RANBP2: variants seen among roughly 807,000 people sequenced by gnomAD.
RANBP2 encodes the protein RAN binding protein 2, also known as E3 SUMO-protein ligase RanBP2.
RANBP2 carries 57 observed loss-of-function variants against 303.6 expected under a neutral mutation model. That is an observed-to-expected ratio of 0.19 (90% CI 0.15 to 0.23). The LOEUF (loss-of-function observed/expected upper bound fraction) is 0.23. Ranked by LOEUF, RANBP2 falls within the 10% of genes least tolerant of loss-of-function variation. The probability of loss-of-function intolerance (pLI) is 1.00; values close to 1 mark genes in which losing one functional copy is unlikely to be tolerated. For missense variants in RANBP2, 3,138 were observed against 3,780.8 expected (o/e 0.83, Z 4.46); for synonymous variants, 1,167 against 1,301.5 (o/e 0.90, Z 2.23).
At chr2:109,384,492 G>T in the RANBP2 span, among the ~76,000 whole-genome samples, 1 of 152,010 alleles carries the variant, frequency 6.6e-6, no homozygotes. Flanking sequence ...GCAGGCAGGT[G>T]GGAGGAGAGG....
chr2:109,132,878 C>A, the RANBP2 span, among the ~76,000 whole-genome samples: 3 of 152,304 alleles, frequency 2.0e-5, no homozygotes, highest in East Asian at 5.8e-4. Flanking sequence ...TGTGGTTCCA[C>A]ATTGAGTAAT....
At chr2:109,388,752 C>A in the RANBP2 span, among the ~76,000 whole-genome samples, 79,178 of 151,986 alleles carry the variant, frequency 0.52, 21,076 homozygotes, top group South Asian at 0.61. Context: ...AATCCTCAGA[C>A]CTCCAAGGAT....
chr2:109,681,629 CA>C, the RANBP2 span, among the ~76,000 whole-genome samples: 54 of 152,340 alleles, frequency 3.5e-4, no homozygotes, highest in African/African-American at 1.2e-3. Flanking sequence ...AGTCCCACAG[CA>C]CCGAGGCTGG....
At chr2:109,151,731 A>AG in the RANBP2 span, among the ~76,000 whole-genome samples, 906 of 152,370 alleles carry the variant, frequency 5.9e-3, 11 homozygotes, top group African/African-American at 0.021. Flanking sequence ...GGAAAGGCTC[A>AG]GCTCTGACGG....
chr2:109,005,817 A>C, the RANBP2 span, among the ~76,000 whole-genome samples: 2 of 152,194 alleles, frequency 1.3e-5, no homozygotes, highest in Admixed American at 1.3e-4. Context: ...ATTTTCCTGG[A>C]AATCAGCTGT....
chr2:109,460,772 G>A, the RANBP2 span, among the ~76,000 whole-genome samples: 6 of 152,018 alleles, frequency 3.9e-5, no homozygotes, highest in Non-Finnish European at 4.4e-5. Context: ...CCAAATCATC[G>A]GCCACAGCCT....
the RANBP2 span, among the ~76,000 whole-genome samples, chr2:109,537,332 G>A: frequency 6.6e-6 from 1 of 152,086 alleles, no homozygotes; most frequent in Non-Finnish European, 1.5e-5. Flanking sequence ...CTTAATGTTT[G>A]TAGTATGAAT....
At chr2:109,700,915 G>A in the RANBP2 span, among the ~76,000 whole-genome samples, 1 of 152,166 alleles carries the variant, frequency 6.6e-6, no homozygotes, top group Non-Finnish European at 1.5e-5. Context: ...TGGGAGGAAA[G>A]CGGGGAGTTT....
At chr2:109,569,022 C>T in the RANBP2 span, among the ~76,000 whole-genome samples, 1 of 152,170 alleles carries the variant, frequency 6.6e-6, no homozygotes, top group Non-Finnish European at 1.5e-5. Context: ...GATAGCTCCA[C>T]AAATTTGTGA....
At chr2:108,816,818 C>T in the RANBP2 span, among the ~76,000 whole-genome samples, 1 of 152,180 alleles carries the variant, frequency 6.6e-6, no homozygotes, top group South Asian at 2.1e-4. Flanking sequence ...TGCCTCATCC[C>T]TTTGAGTAGG....
At chr2:109,098,863 G>T in the RANBP2 span, among the ~76,000 whole-genome samples, 1 of 152,210 alleles carries the variant, frequency 6.6e-6, no homozygotes, top group African/African-American at 2.4e-5. Context: ...TTATTTGGCT[G>T]CCCTCCAATC....
In RANBP2 at chr2:108,763,412, G is replaced by T. The variant is rs1676882455; in HGVS notation, c.2873G>T (p.Gly958Val). Residue 958 changes from glycine (G) to valine (V), a missense_variant, in exon 20 of 29, where the codon GGT becomes GTT. Gly to Val is a moderately radical substitution (Grantham distance 109). Around this residue, in one of 20 missense-constraint regions of RANBP2, gnomAD observed 403 missense variants for 376.7 expected, o/e 1.07. Transcript: ENST00000283195. ...GCAACGGGAATTCTATCGCCCAGGG[G>T]TGATGATTACTTTAATTACAATGTT... ...SPATGILSPR[G>V]DDYFNYNVQQ... 1 of 1,613,850 alleles carries T rather than the reference G, an allele frequency of 6.2e-7. No homozygotes were observed. Among genetic ancestry groups the T allele is most frequent in the South Asian group, 1.1e-5 (1 of 91,078 alleles).
the RANBP2 span, among the ~76,000 whole-genome samples, chr2:108,927,186 G>A: frequency 6.6e-6 from 1 of 152,202 alleles, no homozygotes; most frequent in Non-Finnish European, 1.5e-5. Flanking sequence ...CACGTGCTGA[G>A]GGTGTCTCTG....
the RANBP2 span, among the ~76,000 whole-genome samples, chr2:109,454,365 T>G: frequency 6.6e-6 from 1 of 152,224 alleles, no homozygotes; most frequent in African/African-American, 2.4e-5. Flanking sequence ...CTGAAGGGTC[T>G]GGGCCATTTT....
the RANBP2 span, among the ~76,000 whole-genome samples, chr2:109,449,831 C>A: frequency 6.6e-6 from 1 of 152,186 alleles, no homozygotes; most frequent in African/African-American, 2.4e-5. Context: ...TATTTATTGC[C>A]ATGTGCTGGG....
chr2:109,281,484 G>A, the RANBP2 span, among the ~76,000 whole-genome samples: 1 of 152,170 alleles, frequency 6.6e-6, no homozygotes, highest in Admixed American at 6.5e-5. Flanking sequence ...AGCTCTTCTG[G>A]TTCTGACTCT....
chr2:109,593,116 A>G, the RANBP2 span: 9 of 1,596,512 alleles, frequency 5.6e-6, no homozygotes, highest in Non-Finnish European at 7.7e-6. Flanking sequence ...TGAGACTGAA[A>G]GAGCTAAAAA....
chr2:109,724,996 A>G, the RANBP2 span, among the ~76,000 whole-genome samples: 2 of 152,204 alleles, frequency 1.3e-5, no homozygotes, highest in African/African-American at 4.8e-5. Context: ...GTGGGAGAAC[A>G]GGGTGATCAG....
At chr2:109,125,085 C>T in the RANBP2 span, among the ~76,000 whole-genome samples, 317 of 152,358 alleles carry the variant, frequency 2.1e-3, 1 homozygote, top group Non-Finnish European at 3.2e-3. Flanking sequence ...TCCAGGCTCA[C>T]CAGGCAGTCA....
Sources: allele counts gnomAD v4.1 joint callset (sites outside exome capture counted in the v4.1 genomes callset), GRCh38; gene constraint gnomAD v4.1.1; regional missense constraint gnomAD v4.1.1; transcripts MANE v1.5; gene names NCBI Gene and HGNC (gene_info 2026-07-23, HGNC 2026-07-21).